MYO7A: variants seen among roughly 807,000 people sequenced by gnomAD.
MYO7A encodes myosin VIIA, also known as unconventional myosin-VIIa.
In MYO7A, 210 loss-of-function variants were observed where a neutral mutation model predicts 263.8. The observed-to-expected ratio is 0.80, with a 90% CI of 0.71 to 0.89. The LOEUF is 0.89. Among genes scored for constraint, MYO7A ranks in the 40% least tolerant of loss-of-function variants. MYO7A has a pLI of 0.00. For synonymous variants in MYO7A, 1,239 were observed against 1,197.3 expected (o/e 1.03, Z -0.72); for missense variants, 2,820 against 2,968.3 (o/e 0.95, Z 1.16).
intron 2 of MYO7A, among the ~76,000 whole-genome samples, chr11:77,141,414 C>T (rs1024706086): frequency 7.2e-5 from 11 of 152,138 alleles, no homozygotes; most frequent in Admixed American, 1.3e-4. Flanking sequence ...ACCATTACCA[C>T]GGTTTACTTC....
At chr11:77,189,293 G>A in intron 27 of MYO7A, 51 bp from the exon 28 acceptor site, 1 of 1,607,324 alleles carries the variant, frequency 6.2e-7, no homozygotes, top group South Asian at 1.1e-5. Flanking sequence ...GTGGGGACCG[G>A]GGCTGTTCCT....
intron 4 of MYO7A, among the ~76,000 whole-genome samples, chr11:77,151,322 A>G (rs1342719083): frequency 6.6e-6 from 1 of 152,206 alleles, no homozygotes; most frequent in Admixed American, 6.5e-5. Context: ...GCCCTTGGGG[A>G]CATCCCTATC....
chr11:77,143,566 G>T (rs1364837456), intron 3 of MYO7A, among the ~76,000 whole-genome samples: 1 of 152,238 alleles, frequency 6.6e-6, no homozygotes, highest in Non-Finnish European at 1.5e-5. Context: ...TCACGTGAGG[G>T]CCCGGAGGGG....
At chr11:77,142,627 A>G in intron 2 of MYO7A, 82 bp from the exon 3 acceptor site, 1 of 1,181,252 alleles carries the variant, frequency 8.5e-7, no homozygotes, top group Non-Finnish European at 1.2e-6. Flanking sequence ...CTCTGATTGT[A>G]GCAGAGGGAT....
At chr11:77,207,201 C>T in intron 41 of MYO7A, 88 bp from the exon 42 acceptor site, 1 of 839,836 alleles carries the variant, frequency 1.2e-6, no homozygotes, top group Non-Finnish European at 1.9e-6. Flanking sequence ...GGAGGGGGCT[C>T]AGTATAGGAG....
chr11:77,141,672 G>A (rs987342055), intron 2 of MYO7A, among the ~76,000 whole-genome samples: 15 of 152,058 alleles, frequency 9.9e-5, no homozygotes, highest in Non-Finnish European at 1.9e-4. Flanking sequence ...CCTTTCTGCC[G>A]CAGGGCCTTT....
Position 77,176,035 on chromosome 11 carries a change from G to A in MYO7A, c.2187+571G>A, listed in dbSNP as rs573098736. Among the ~76,000 whole-genome samples the A allele has an allele frequency of 1.3e-3, 195 of 152,336 alleles. 2 individuals are homozygous for A. The highest frequency in any genetic ancestry group is 4.6e-3 in the African/African-American group (191 of 41,580). ...CATGGCTGGGAGCTGGCAGTGGCAGGGCAGCCGCAGCAGGGACAGTGCGAG... is the reference window on the plus strand; with the variant it reads ...CATGGCTGGGAGCTGGCAGTGGCAGAGCAGCCGCAGCAGGGACAGTGCGAG... On this transcript the variant is annotated intron_variant, in intron 18 of 48. Coordinates refer to ENST00000409709, the MANE Select transcript of MYO7A (RefSeq NM_000260.4).
intron 18 of MYO7A, 35 bp downstream of exon 18, chr11:77,175,499 G>C (rs1301796318): frequency 1.3e-6 from 2 of 1,587,970 alleles, no homozygotes; most frequent in African/African-American, 2.7e-5. Context: ...CTGCCCTGGG[G>C]GGGCTGTAAA....
At chr11:77,203,871 C>T (rs567939069) in intron 38 of MYO7A, among the ~76,000 whole-genome samples, 165 of 152,292 alleles carry the variant, frequency 1.1e-3, no homozygotes, top group African/African-American at 3.6e-3. Context: ...TCCATCCCAG[C>T]TGCTGTGAGG....
At chr11:77,191,679 G>A (rs1244203640) in intron 30 of MYO7A, among the ~76,000 whole-genome samples, 13 of 152,204 alleles carry the variant, frequency 8.5e-5, no homozygotes, top group African/African-American at 3.1e-4. Context: ...CCCCAGCAAC[G>A]TCATGCTCAG....
At chr11:77,132,389 C>T (rs1246838072) in intron 2 of MYO7A, among the ~76,000 whole-genome samples, 1 of 151,988 alleles carries the variant, frequency 6.6e-6, no homozygotes. Flanking sequence ...TCCAGGGAAG[C>T]AGATGAAGGA....
intron 3 of MYO7A, among the ~76,000 whole-genome samples, chr11:77,147,307 GACC>G (rs1269446481): frequency 6.6e-6 from 1 of 151,732 alleles, no homozygotes; most frequent in Non-Finnish European, 1.5e-5. Flanking sequence ...GGCAGTCCCT[GACC>G]ACCACATCTC....
chr11:77,172,097 A>G (rs1954150181), intron 15 of MYO7A, among the ~76,000 whole-genome samples: 1 of 152,180 alleles, frequency 6.6e-6, no homozygotes, highest in Admixed American at 6.5e-5. Flanking sequence ...GGTCACCGGC[A>G]GCTCCCGCCC....
At chr11:77,155,362 G>A (rs929152895) in intron 4 of MYO7A, among the ~76,000 whole-genome samples, 1 of 152,184 alleles carries the variant, frequency 6.6e-6, no homozygotes, top group Non-Finnish European at 1.5e-5. Flanking sequence ...CCTCTGTCCT[G>A]GGGCAGTGCT....
intron 28 of MYO7A, among the ~76,000 whole-genome samples, 197 bp from the exon 29 acceptor site, chr11:77,189,823 C>T (rs969571698): frequency 6.6e-6 from 1 of 152,218 alleles, no homozygotes; most frequent in Non-Finnish European, 1.5e-5. Context: ...GGAGGAGCCA[C>T]TAGGCTAAGC....
intron 15 of MYO7A, among the ~76,000 whole-genome samples, chr11:77,170,249 G>T (rs1449755300): frequency 3.9e-5 from 6 of 152,192 alleles, no homozygotes; most frequent in Non-Finnish European, 7.3e-5. Context: ...TGAGCAGGAG[G>T]TGAGGAAGAA....
chr11:77,157,418 A>C, intron 8 of MYO7A, 26 bp downstream of exon 8: 1 of 1,521,880 alleles, frequency 6.6e-7, no homozygotes, highest in Non-Finnish European at 9.0e-7. Flanking sequence ...GCCCCTGGGT[A>C]GGGGGGCACC....
chr11:77,156,558 T>G, intron 5 of MYO7A, 102 bp from the exon 6 acceptor site: 3 of 1,535,114 alleles, frequency 2.0e-6, no homozygotes, highest in Admixed American at 1.7e-5. Context: ...CAGCTGATAT[T>G]ACAGATGGGG....
At chr11:77,159,208 C>T (rs910025911) in intron 9 of MYO7A, among the ~76,000 whole-genome samples, 1 of 152,234 alleles carries the variant, frequency 6.6e-6, no homozygotes, top group Non-Finnish European at 1.5e-5. Context: ...GAATGCCAGG[C>T]ATGGTGCCAT....
Sources: gnomAD v4.1 joint callset for allele counts (sites outside exome capture counted in the v4.1 genomes callset) on GRCh38, gnomAD v4.1.1 for gene constraint, MANE v1.5 for transcripts, NCBI Gene and HGNC (gene_info 2026-07-23, HGNC 2026-07-21) for gene names.